The following NRP2 variants were observed in gnomAD, a reference collection of about 807,000 sequenced individuals.
The protein encoded by NRP2 is neuropilin-2.
A neutral mutation model predicts 110.4 loss-of-function variants in NRP2; 52 were observed. That is an observed-to-expected ratio of 0.47 (90% confidence interval 0.38 to 0.59). NRP2 has a LOEUF of 0.59. NRP2 is among the 20% of genes least tolerant of loss of function. NRP2 has a pLI of 0.00. For missense variants in NRP2, 1,049 were observed against 1,203.0 expected (o/e 0.87, Z 1.89); for synonymous variants, 508 against 468.9 (o/e 1.08, Z -1.08).
chr2:205,722,803 C>G (rs2057047761), intron 4 of NRP2, 95 bp downstream of exon 4: 1 of 996,074 alleles, frequency 1.0e-6, no homozygotes, highest in Non-Finnish European at 1.6e-6. Flanking sequence ...CTTCAAAGCT[C>G]CTATGAGTTC....
intron 15 of NRP2, among the ~76,000 whole-genome samples, chr2:205,783,431 TA>T (rs1350185575): frequency 4.6e-5 from 7 of 152,210 alleles, no homozygotes. Context: ...AAAATTTATG[TA>T]AAAAACATCC....
At chr2:205,785,690 C>A (rs138727216) in intron 15 of NRP2, among the ~76,000 whole-genome samples, 1,779 of 152,278 alleles carry the variant, frequency 0.012, 13 homozygotes, top group Non-Finnish European at 0.019. Context: ...CTTTTCATGC[C>A]ATTGTTGGGG....
intron 12 of NRP2, among the ~76,000 whole-genome samples, chr2:205,757,564 C>A (rs960811315): frequency 6.6e-6 from 1 of 152,150 alleles, no homozygotes; most frequent in Non-Finnish European, 1.5e-5. Context: ...CAAGTGGTGA[C>A]TGAATTGAAA....
intron 11 of NRP2, among the ~76,000 whole-genome samples, chr2:205,751,194 G>A (rs1013898307): frequency 6.6e-6 from 1 of 152,168 alleles, no homozygotes; most frequent in Non-Finnish European, 1.5e-5. Context: ...GGGACCTGGA[G>A]TGGGGGTTCT....
intron 3 of NRP2, among the ~76,000 whole-genome samples, chr2:205,718,697 T>C (rs562569957): frequency 5.3e-5 from 8 of 152,222 alleles, no homozygotes; most frequent in Admixed American, 5.2e-4. Flanking sequence ...ATCCCAGCAC[T>C]TTGGGAGGTT....
intron 15 of NRP2, among the ~76,000 whole-genome samples, chr2:205,780,419 G>A (rs1011652794): frequency 1.3e-5 from 2 of 152,082 alleles, no homozygotes; most frequent in African/African-American, 4.8e-5. Flanking sequence ...TTTTTCTTTG[G>A]TCCTCCTCTT....
At chr2:205,712,242 G>GA (rs1397711063) in intron 2 of NRP2, among the ~76,000 whole-genome samples, 11 of 151,996 alleles carry the variant, frequency 7.2e-5, no homozygotes, top group South Asian at 2.1e-4. Context: ...TTCAGCTCAG[G>GA]AAAAAAATAA....
intron 1 of NRP2, among the ~76,000 whole-genome samples, chr2:205,694,458 T>C (rs114656731): frequency 0.014 from 2,167 of 152,354 alleles, 28 homozygotes; most frequent in Non-Finnish European, 0.021. Context: ...GCTATCTCTC[T>C]TCGGGTGATG....
At position 205,722,708 on chromosome 2, in the gene NRP2, G is replaced by A. The variant is rs765798865; in HGVS notation, c.664G>A (p.Val222Ile). 6.2e-7 allele frequency: 1 copy of A among 1,612,174 alleles called. No individual in the cohort carries two copies. Residue 222 changes from valine to isoleucine, a missense_variant and splice_region_variant, in exon 4 of 17, where the codon GTT becomes ATT. Val to Ile is a conservative substitution (Grantham distance 29). Transcript: ENST00000357785. ...GGACATCTGGGATGGCATTCCACATGGTGAGTGATGTCATGAGGCATTCCT... is the reference window on the plus strand; with the variant it reads ...GGACATCTGGGATGGCATTCCACATAGTGAGTGATGTCATGAGGCATTCCT... ...WLDIWDGIPHVGPLIGKYCGT... is the reference protein window; with the variant it reads ...WLDIWDGIPHIGPLIGKYCGT...
chr2:205,699,779 T>TTTTTCTC (rs1430423447), intron 2 of NRP2, among the ~76,000 whole-genome samples: 1 of 152,162 alleles, frequency 6.6e-6, no homozygotes, highest in African/African-American at 2.4e-5. Context: ...TCACTTCCTG[T>TTTTTCTC]TTTTCTCCCC....
chr2:205,787,489 C>T (rs1325488446), intron 15 of NRP2, among the ~76,000 whole-genome samples: 2 of 152,194 alleles, frequency 1.3e-5, no homozygotes, highest in Non-Finnish European at 2.9e-5. Context: ...TTGGGGCAGA[C>T]TTCTCACTTT....
intron 13 of NRP2, among the ~76,000 whole-genome samples, chr2:205,764,652 T>G (rs183901869): frequency 6.6e-6 from 1 of 152,142 alleles, no homozygotes; most frequent in Admixed American, 6.5e-5. Flanking sequence ...CCAGAGGACA[T>G]GTGCTAGTTT....
intron 15 of NRP2, among the ~76,000 whole-genome samples, 200 bp from the exon 16 acceptor site, chr2:205,792,035 C>T (rs1162983478): frequency 6.6e-6 from 1 of 152,166 alleles, no homozygotes; most frequent in Non-Finnish European, 1.5e-5. Context: ...TTCTGTGTTA[C>T]TGGTTGTGGT....
intron 15 of NRP2, chr2:205,779,292 C>T (rs1366842312): frequency 6.6e-6 from 1 of 152,166 alleles, no homozygotes; most frequent in African/African-American, 2.4e-5. Context: ...TAGCAATTGC[C>T]ATCACTTAGT....
chr2:205,697,312 C>CTGTGTGTGTGTGTGTGTGTGTG lies in NRP2; in HGVS notation c.74-220_74-199dup, dbSNP rs3072627. 5.1e-3 allele frequency among the ~76,000 whole-genome samples: 709 copies of CTGTGTGTGTGTGTGTGTGTGTG among 137,924 alleles called. 20 individuals are homozygous for CTGTGTGTGTGTGTGTGTGTGTG. The highest frequency in any genetic ancestry group is 0.019 in the African/African-American group (643 of 34,710). The allele number at this position is 137,924 out of a possible 152,430, so 90.5% of individuals were successfully genotyped here. On this transcript the variant is annotated intron_variant, in intron 1 of 16. Coordinates refer to ENST00000357785, the MANE Select transcript of NRP2 (RefSeq NM_003872.3). ...TGGCCATGTTCTGGAATACTTTCAT[C>CTGTGTGTGTGTGTGTGTGTGTG]TGTGTGTGTGTGTGTGTGTGTGTGT...
chr2:205,787,328 C>T (rs2058246506), intron 15 of NRP2, among the ~76,000 whole-genome samples: 1 of 152,192 alleles, frequency 6.6e-6, no homozygotes. Context: ...CTCCAGATGA[C>T]AAGCCTGTCA....
chr2:205,717,972 G>A (rs1030064180), intron 3 of NRP2, among the ~76,000 whole-genome samples: 3 of 152,182 alleles, frequency 2.0e-5, no homozygotes, highest in African/African-American at 7.2e-5. Flanking sequence ...GCAAAGTAAA[G>A]GTACAATTGA....
chr2:205,736,717 G>C (rs1487150138), intron 7 of NRP2, among the ~76,000 whole-genome samples: 1 of 152,188 alleles, frequency 6.6e-6, no homozygotes, highest in South Asian at 2.1e-4. Context: ...GGTATCTAAG[G>C]TTTATTGATT....
intron 1 of NRP2, among the ~76,000 whole-genome samples, chr2:205,696,590 C>T (rs1266326605): frequency 6.6e-6 from 1 of 152,226 alleles, no homozygotes; most frequent in Admixed American, 6.5e-5. Context: ...CAAATGTCAT[C>T]ACCCACCTTT....
Sources: allele counts gnomAD v4.1 joint callset (sites outside exome capture counted in the v4.1 genomes callset), GRCh38; gene constraint gnomAD v4.1.1; transcripts MANE v1.5; gene names NCBI Gene and HGNC (gene_info 2026-07-23, HGNC 2026-07-21).